Variants in GNG2 observed in about 807,000 individuals in gnomAD.
GNG2 encodes the protein guanine nucleotide-binding protein G(I)/G(S)/G(O) subunit gamma-2.
GNG2 carries 5 observed loss-of-function variants against 5.5 expected under a neutral mutation model. The observed-to-expected ratio is 0.91, with a 90% CI of 0.48 to 1.92. GNG2 has a LOEUF of 1.92. GNG2 is among the 30% of genes most tolerant of loss of function. GNG2 has a pLI of 0.01. For missense variants in GNG2, 55 were observed against 88.4 expected (o/e 0.62, Z 1.52); for synonymous variants, 28 against 32.0 (o/e 0.88, Z 0.42).
At chr14:51,881,606 T>A (rs1884075705) in intron 2 of GNG2, among the ~76,000 whole-genome samples, 1 of 151,710 alleles carries the variant, frequency 6.6e-6, no homozygotes, top group Admixed American at 6.6e-5. Flanking sequence ...ATTCTCTAAA[T>A]CATTAGGACT....
intron 2 of GNG2, among the ~76,000 whole-genome samples, chr14:51,934,297 A>G (rs1438160996): frequency 6.6e-6 from 1 of 152,156 alleles, no homozygotes; most frequent in Non-Finnish European, 1.5e-5. Context: ...CAGGAAATGG[A>G]CACCCAAGAA....
chr14:51,928,143 G>C (rs1479039746), intron 2 of GNG2, among the ~76,000 whole-genome samples: 1 of 147,990 alleles, frequency 6.8e-6, no homozygotes, highest in Non-Finnish European at 1.5e-5. Context: ...CAATTCTCCT[G>C]CCTCAGCCTC....
At chr14:51,938,774 CATGTT>C (rs1465432659) in intron 2 of GNG2, among the ~76,000 whole-genome samples, 1 of 152,184 alleles carries the variant, frequency 6.6e-6, no homozygotes, top group African/African-American at 2.4e-5. Flanking sequence ...AAGGATTTCT[CATGTT>C]ATGATTTTGG....
intron 2 of GNG2, among the ~76,000 whole-genome samples, chr14:51,831,821 T>C (rs1881200290): frequency 6.6e-6 from 1 of 152,200 alleles, no homozygotes; most frequent in Non-Finnish European, 1.5e-5. Flanking sequence ...AAATTTTTGA[T>C]GAAGTCTCAT....
At chr14:51,828,097 T>G (rs1881076629) in intron 2 of GNG2, among the ~76,000 whole-genome samples, 1 of 152,150 alleles carries the variant, frequency 6.6e-6, no homozygotes. Context: ...ACATGAGTTA[T>G]TTGGTGCCAC....
chr14:51,891,197 C>T (rs988433478), intron 2 of GNG2, among the ~76,000 whole-genome samples: 10 of 152,130 alleles, frequency 6.6e-5, no homozygotes, highest in African/African-American at 2.2e-4. Flanking sequence ...GGCGGGATAC[C>T]TTTTTGTCTT....
chr14:51,837,645 T>C (rs1287531979), intron 2 of GNG2, among the ~76,000 whole-genome samples: 2 of 95,068 alleles, frequency 2.1e-5, no homozygotes, highest in Non-Finnish European at 2.4e-5. Flanking sequence ...AGACTCCGTT[T>C]CAAAAAAAAA....
At chr14:51,832,834 G>T (rs1345948921) in intron 2 of GNG2, among the ~76,000 whole-genome samples, 1 of 152,134 alleles carries the variant, frequency 6.6e-6, no homozygotes, top group Non-Finnish European at 1.5e-5. Context: ...GAAGATGAGG[G>T]CTTCAATATA....
chr14:51,915,503 A>C (rs1886566572), intron 2 of GNG2, among the ~76,000 whole-genome samples: 1 of 152,192 alleles, frequency 6.6e-6, no homozygotes, highest in South Asian at 2.1e-4. Context: ...GCAGCAAGGA[A>C]ACAAATCGAA....
At chr14:51,949,693 G>C (rs1296060295) in intron 2 of GNG2, among the ~76,000 whole-genome samples, 1 of 152,160 alleles carries the variant, frequency 6.6e-6, no homozygotes, top group African/African-American at 2.4e-5. Flanking sequence ...TATTTACACA[G>C]GTAGTCCTAA....
Position 51,958,701 on chromosome 14 carries a change from T to A in GNG2, c.88-7858T>A, listed in dbSNP as rs200638144. Among the ~76,000 whole-genome samples, 173 of 152,260 alleles carry A rather than the reference T, an allele frequency of 1.1e-3. 1 individual carries two copies. The highest frequency in any genetic ancestry group is 1.9e-3 in the South Asian group (9 of 4,824). On this transcript the variant is annotated intron_variant, in intron 3 of 3. Coordinates refer to ENST00000556766, the MANE Select transcript of GNG2 (RefSeq NM_053064.5). Reference sequence around the variant, plus strand: ...TGCCTTGCACATTCATTCAGGTTCCTATACTCCTTACCAGGTTGGACCCTG... The same window carrying A: ...TGCCTTGCACATTCATTCAGGTTCCAATACTCCTTACCAGGTTGGACCCTG...
At chr14:51,932,615 C>T (rs935487060) in intron 2 of GNG2, among the ~76,000 whole-genome samples, 2 of 152,072 alleles carry the variant, frequency 1.3e-5, no homozygotes, top group Admixed American at 6.6e-5. Flanking sequence ...CAGAGGGAGA[C>T]TCTGTCTCTA....
chr14:51,835,764 A>G (rs1475086046), intron 2 of GNG2, among the ~76,000 whole-genome samples: 3 of 152,234 alleles, frequency 2.0e-5, no homozygotes, highest in Non-Finnish European at 2.9e-5. Flanking sequence ...TAAACATTTA[A>G]CAAAGTAGAA....
At chr14:51,891,908 G>C (rs1217966438) in intron 2 of GNG2, among the ~76,000 whole-genome samples, 1 of 152,128 alleles carries the variant, frequency 6.6e-6, no homozygotes, top group Non-Finnish European at 1.5e-5. Context: ...ATGTCTCCTG[G>C]TTCACATTCA....
At chr14:51,835,848 T>G (rs983812341) in intron 2 of GNG2, among the ~76,000 whole-genome samples, 1 of 152,180 alleles carries the variant, frequency 6.6e-6, no homozygotes, top group African/African-American at 2.4e-5. Context: ...TTTTCAGGTC[T>G]TTTGCTGGGA....
At chr14:51,947,307 A>G (rs772163489) in intron 2 of GNG2, among the ~76,000 whole-genome samples, 1 of 152,212 alleles carries the variant, frequency 6.6e-6, no homozygotes, top group African/African-American at 2.4e-5. Flanking sequence ...AAAGTTGCAG[A>G]TGGAATTAAG....
chr14:51,893,693 T>C (rs1327528452), intron 2 of GNG2, among the ~76,000 whole-genome samples: 1 of 151,994 alleles, frequency 6.6e-6, no homozygotes, highest in Non-Finnish European at 1.5e-5. Context: ...AATATAAATA[T>C]CCTCCTTATT....
chr14:51,948,847 C>T (rs898619586), intron 2 of GNG2, among the ~76,000 whole-genome samples: 5 of 152,120 alleles, frequency 3.3e-5, no homozygotes, highest in Admixed American at 1.3e-4. Flanking sequence ...GATGGCCGGG[C>T]GTGGTGGCTC....
chr14:51,912,435 G>A (rs1004177435), intron 2 of GNG2, among the ~76,000 whole-genome samples: 2 of 152,094 alleles, frequency 1.3e-5, no homozygotes, highest in African/African-American at 4.8e-5. Context: ...ACTGATTCCA[G>A]TTAGGTGAGG....
Sources: allele counts gnomAD v4.1 joint callset (sites outside exome capture counted in the v4.1 genomes callset), GRCh38; gene constraint gnomAD v4.1.1; transcripts MANE v1.5; gene names NCBI Gene and HGNC (gene_info 2026-07-23, HGNC 2026-07-21).